The following MAGI2 variants were observed in gnomAD, a reference collection of about 807,000 sequenced individuals.
MAGI2 encodes the protein membrane associated guanylate kinase, WW and PDZ domain containing 2.
MAGI2 carries 35 observed loss-of-function variants against 133.3 expected under a neutral mutation model. The observed-to-expected ratio is 0.26, with a 90% CI of 0.20 to 0.35. MAGI2 has a LOEUF of 0.35. MAGI2 is among the 10% of genes least tolerant of loss of function. The pLI is 1.00. For missense variants in MAGI2, 1,636 were observed against 1,863.4 expected (o/e 0.88, Z 2.25); for synonymous variants, 729 against 710.6 (o/e 1.03, Z -0.41).
intron 2 of MAGI2, among the ~76,000 whole-genome samples, chr7:78,636,532 C>T (rs1809664393): frequency 1.3e-5 from 2 of 152,104 alleles, no homozygotes; most frequent in South Asian, 4.1e-4. Flanking sequence ...GGCGCTGTGG[C>T]TCACGCCTGT....
chr7:79,230,746 T>C (rs2129554203), intron 1 of MAGI2, among the ~76,000 whole-genome samples: 1 of 152,284 alleles, frequency 6.6e-6, no homozygotes, highest in South Asian at 2.1e-4. Context: ...GTAGGTTGCC[T>C]GTTCACTCTG....
At chr7:78,764,760 G>A (rs141769971) in intron 2 of MAGI2, among the ~76,000 whole-genome samples, 186 of 152,280 alleles carry the variant, frequency 1.2e-3, no homozygotes, top group African/African-American at 4.3e-3. Flanking sequence ...CTCCACAACC[G>A]AAAATAGCTT....
At chr7:79,319,859 C>A (rs1013036883) in intron 1 of MAGI2, among the ~76,000 whole-genome samples, 1 of 152,132 alleles carries the variant, frequency 6.6e-6, no homozygotes, top group Non-Finnish European at 1.5e-5. Flanking sequence ...GATTGACCCA[C>A]GTTTCCCAGG....
chr7:78,582,748 G>A (rs1056792413), intron 3 of MAGI2, among the ~76,000 whole-genome samples: 5 of 152,180 alleles, frequency 3.3e-5, no homozygotes, highest in African/African-American at 1.2e-4. Context: ...CTAGCATTAA[G>A]TTAATTATAA....
At chr7:78,840,426 C>T (rs1332102820) in intron 2 of MAGI2, among the ~76,000 whole-genome samples, 1 of 152,026 alleles carries the variant, frequency 6.6e-6, no homozygotes, top group Non-Finnish European at 1.5e-5. Flanking sequence ...AGAGCCCAGC[C>T]TCAGACTGTA....
Position 78,072,603 on chromosome 7 carries a change from T to C in MAGI2, c.3706+6344A>G, listed in dbSNP as rs563388501. Reference sequence around the variant, plus strand: ...TTGTCTGGAGTTTATTTTTGTATCATTAGAGGGAAGAAAGGATGTACTCAG... The same window carrying C: ...TTGTCTGGAGTTTATTTTTGTATCACTAGAGGGAAGAAAGGATGTACTCAG... On this transcript the variant is annotated intron_variant, in intron 21 of 21. Transcript: ENST00000354212. The C allele has an allele frequency of 2.0e-5, 5 of 251,068 alleles. No individual in the cohort carries two copies. The East Asian group carries it at 3.7e-4, about 19-fold the overall frequency. The allele number at this position is 251,068 out of a possible 1,614,324, so 15.6% of individuals were successfully genotyped here. A position where few individuals can be genotyped will look rare whatever the true frequency, so the allele number is the denominator to read the frequency against.
intron 1 of MAGI2, among the ~76,000 whole-genome samples, chr7:79,281,280 A>G (rs1487437037): frequency 6.6e-6 from 1 of 152,192 alleles, no homozygotes; most frequent in Non-Finnish European, 1.5e-5. Context: ...TGCAGAGTCA[A>G]TAGATCTAGG....
At chr7:78,511,286 C>T (rs1795537676) in intron 4 of MAGI2, among the ~76,000 whole-genome samples, 1 of 151,660 alleles carries the variant, frequency 6.6e-6, no homozygotes, top group Non-Finnish European at 1.5e-5. Context: ...GATTTTTCAT[C>T]GTGGCTGTAC....
At chr7:78,168,826 GA>G (rs1177152958) in intron 14 of MAGI2, among the ~76,000 whole-genome samples, 4 of 152,138 alleles carry the variant, frequency 2.6e-5, no homozygotes, top group African/African-American at 9.7e-5. Flanking sequence ...TCTTTGCTTT[GA>G]AAAGCTGGAG....
intron 1 of MAGI2, among the ~76,000 whole-genome samples, chr7:79,299,727 C>T (rs1387977823): frequency 6.6e-6 from 1 of 151,862 alleles, no homozygotes; most frequent in Non-Finnish European, 1.5e-5. Context: ...TTGTTCCCAC[C>T]CAAATCTCAT....
intron 3 of MAGI2, chr7:78,621,442 T>C (rs1259978876): frequency 1.3e-5 from 2 of 151,944 alleles, no homozygotes; most frequent in Non-Finnish European, 2.9e-5. Flanking sequence ...TGATTCAATA[T>C]GAAAAGGTGA....
At chr7:78,737,696 T>G (rs550410876) in intron 2 of MAGI2, among the ~76,000 whole-genome samples, 29 of 152,308 alleles carry the variant, frequency 1.9e-4, no homozygotes, top group African/African-American at 5.8e-4. Flanking sequence ...ACATTCTTTT[T>G]ACTATTTTTT....
chr7:78,458,618 C>A (rs1789601814), intron 6 of MAGI2, among the ~76,000 whole-genome samples: 1 of 147,738 alleles, frequency 6.8e-6, no homozygotes, highest in Admixed American at 7.0e-5. Context: ...ATCATCTTTG[C>A]TGCAATCTGT....
At chr7:78,226,207 A>T (rs1441187773) in intron 10 of MAGI2, among the ~76,000 whole-genome samples, 4 of 152,140 alleles carry the variant, frequency 2.6e-5, no homozygotes, top group Middle Eastern at 3.4e-3. Context: ...CCCAGTCAAT[A>T]TGCCACCCTC....
At chr7:78,606,426 A>T (rs1352050204) in intron 3 of MAGI2, among the ~76,000 whole-genome samples, 1 of 151,580 alleles carries the variant, frequency 6.6e-6, no homozygotes, top group East Asian at 2.0e-4. Flanking sequence ...AAGCAGAGCC[A>T]CAAATATAAG....
chr7:78,073,317 C>T (rs183396576), intron 21 of MAGI2, among the ~76,000 whole-genome samples: 2 of 101,158 alleles, frequency 2.0e-5, no homozygotes, highest in Admixed American at 1.6e-4. Flanking sequence ...GCTGTTTCTC[C>T]CCCTTGGTGT....
chr7:79,330,612 C>T (rs572554715), intron 1 of MAGI2, among the ~76,000 whole-genome samples: 236 of 151,994 alleles, frequency 1.6e-3, no homozygotes, highest in African/African-American at 5.4e-3. Context: ...GTAGTAGTTA[C>T]ATGTATGGGT....
intron 2 of MAGI2, among the ~76,000 whole-genome samples, chr7:78,962,020 A>T (rs1278090283): frequency 1.3e-5 from 2 of 152,066 alleles, no homozygotes; most frequent in African/African-American, 2.4e-5. Flanking sequence ...TGTGTATCTA[A>T]ACATAGAAAA....
chr7:78,769,641 C>G (rs147501106), intron 2 of MAGI2, among the ~76,000 whole-genome samples: 1 of 152,118 alleles, frequency 6.6e-6, no homozygotes, highest in Admixed American at 6.5e-5. Context: ...TCCCTCAGGA[C>G]GAGACAGAGA....
Sources: allele counts gnomAD v4.1 joint callset (sites outside exome capture counted in the v4.1 genomes callset), GRCh38; gene constraint gnomAD v4.1.1; transcripts MANE v1.5; gene names NCBI Gene and HGNC (gene_info 2026-07-23, HGNC 2026-07-21).